The following GALNT9 variants were observed in gnomAD, a reference collection of about 807,000 sequenced individuals.
GALNT9 encodes the protein polypeptide N-acetylgalactosaminyltransferase 9.
In GALNT9, 47 loss-of-function variants were observed where a neutral mutation model predicts 63.1. That is an observed-to-expected ratio of 0.75 (90% CI 0.59 to 0.95). The LOEUF (loss-of-function observed/expected upper bound fraction) is 0.95. Ranked by LOEUF, GALNT9 falls within the 40% of genes least tolerant of loss-of-function variation. The pLI is 0.00. For synonymous variants in GALNT9, 396 were observed against 365.7 expected, an observed-to-expected ratio of 1.08 and a Z score of -0.94; for missense variants, 829 against 874.8, an observed-to-expected ratio of 0.95 and a Z score of 0.66.
intron 2 of GALNT9, among the ~76,000 whole-genome samples, chr12:132,269,862 G>A (rs1050007971): frequency 6.6e-6 from 1 of 152,238 alleles, no homozygotes; most frequent in Non-Finnish European, 1.5e-5. Flanking sequence ...AGGCGAGGGA[G>A]ATGGGCGCAC....
Position 132,319,491 on chromosome 12 carries a change from C to G in GALNT9, c.238+9475G>C, listed in dbSNP as rs775806596. Among the ~76,000 whole-genome samples, 1 of 152,286 alleles carries G rather than the reference C, an allele frequency of 6.6e-6. No individual in the cohort carries two copies. The highest frequency in any genetic ancestry group is 6.5e-5 in the Admixed American group (1 of 15,308). On this transcript the variant is annotated intron_variant, in intron 1 of 10. Coordinates refer to ENST00000328957, the MANE Select transcript of GALNT9 (RefSeq NM_001122636.2). This position sits in a 1 kb window ranked among gnomAD's most constrained non-coding sequence, Gnocchi z 5.2. ...ACTCAGGCCAAAGGACCCCACCCAG[C>G]TTCCCGGGCCTGCAGCTTGCAGACG...
chr12:132,244,749 C>T (rs372346172), intron 6 of GALNT9, among the ~76,000 whole-genome samples: 1 of 26,434 alleles, frequency 3.8e-5, no homozygotes. Context: ...GGTGATGGGG[C>T]TGGACGGGGG....
chr12:132,312,985 C>T (rs1254272604), intron 1 of GALNT9, among the ~76,000 whole-genome samples: 1 of 152,112 alleles, frequency 6.6e-6, no homozygotes, highest in Non-Finnish European at 1.5e-5. Flanking sequence ...TCCTGTCTTC[C>T]CTTTCTCAAT....
chr12:132,281,596 G>A lies in GALNT9; in HGVS notation c.419+4654C>T, dbSNP rs2135558196. Among the ~76,000 whole-genome samples, 2 of 152,334 alleles carry A rather than the reference G, an allele frequency of 1.3e-5. 1 individual carries two copies. Among genetic ancestry groups the A allele is most frequent in the South Asian group, 4.1e-4 (2 of 4,824 alleles). Reference sequence around the variant, plus strand: ...CTATCAGTGAGGGTATAGAGCAAATGCCGGCTCTGTCAAGGTTCATCCCGA... The same window carrying A: ...CTATCAGTGAGGGTATAGAGCAAATACCGGCTCTGTCAAGGTTCATCCCGA... On this transcript the variant is annotated intron_variant, in intron 2 of 10. Coordinates refer to ENST00000328957, the MANE Select transcript of GALNT9 (RefSeq NM_001122636.2).
At position 132,252,589 on chromosome 12, in the gene GALNT9, G is replaced by A. The variant is rs1177723413; in HGVS notation, c.960-4562C>T. Among the ~76,000 whole-genome samples, 2 of 152,138 alleles carry A rather than the reference G, an allele frequency of 1.3e-5. No homozygotes were observed. Among genetic ancestry groups the A allele is most frequent in the South Asian group, 4.1e-4 (2 of 4,822 alleles). On this transcript the variant is annotated intron_variant, in intron 5 of 10. Coordinates refer to ENST00000328957, the MANE Select transcript of GALNT9 (RefSeq NM_001122636.2). The surrounding 1 kb of genome is among the most constrained non-coding windows in gnomAD (Gnocchi z 5.2). ...GGGGGAACCACTGCCATCAAGACAC[G>A]GAGACCTGGCTGGGCGCACTGGCTC...
intron 1 of GALNT9, among the ~76,000 whole-genome samples, chr12:132,297,378 T>G (rs1555243350): frequency 6.8e-6 from 1 of 146,358 alleles, no homozygotes; most frequent in Admixed American, 6.8e-5. Context: ...GATAACCAAC[T>G]CACTCCCATG....
intron 1 of GALNT9, among the ~76,000 whole-genome samples, chr12:132,302,898 A>C (rs1271448938): frequency 2.0e-5 from 3 of 152,072 alleles, no homozygotes; most frequent in Non-Finnish European, 4.4e-5. Flanking sequence ...CTTTGAGCTG[A>C]GAGGGAGAGA....
intron 6 of GALNT9, among the ~76,000 whole-genome samples, chr12:132,215,639 C>A (rs1877152073): frequency 6.6e-6 from 1 of 152,242 alleles, no homozygotes; most frequent in Non-Finnish European, 1.5e-5. Flanking sequence ...ATGAAGCCAG[C>A]CCTCTTTGTA....
chr12:132,295,676 T>G (rs1277346076), intron 1 of GALNT9, among the ~76,000 whole-genome samples: 2 of 152,232 alleles, frequency 1.3e-5, no homozygotes, highest in Admixed American at 6.5e-5. Context: ...CTGGAGACTA[T>G]GGAGGGAGCG....
At chr12:132,321,605 C>T (rs976278829) in intron 1 of GALNT9, among the ~76,000 whole-genome samples, 3 of 152,190 alleles carry the variant, frequency 2.0e-5, no homozygotes, top group Non-Finnish European at 4.4e-5. Context: ...ACCCCAACCC[C>T]AGGGCCCACT....
rs1263447588 is a variant in GALNT9, at chr12:132,286,900, C to A, written c.239-470G>T. 6.6e-6 allele frequency among the ~76,000 whole-genome samples: 1 copy of A among 152,158 alleles called. No homozygotes were observed. The highest frequency in any genetic ancestry group is 1.5e-5 in the Non-Finnish European group (1 of 68,030). ...TGTATTTTTAGTGGAGACAGGGTTT[C>A]ACCGTGTTGGTCAGGCTGGTCTTGA... On this transcript the variant is annotated intron_variant, in intron 1 of 10. Coordinates refer to ENST00000328957, the MANE Select transcript of GALNT9 (RefSeq NM_001122636.2). The surrounding 1 kb of genome is among the most constrained non-coding windows in gnomAD (Gnocchi z 7.4).
rs1251562638 is a variant in GALNT9, at chr12:132,319,698, C to T, written c.238+9268G>A. Among the ~76,000 whole-genome samples, 1 of 152,214 alleles carries T rather than the reference C, an allele frequency of 6.6e-6. No homozygotes were observed. Among genetic ancestry groups the T allele is most frequent in the Non-Finnish European group, 1.5e-5 (1 of 68,036 alleles). ...GGCAGGTCAACACCCCACTCCGCCA[C>T]ACACACAGCTGTACCCGGCACAACA... is the stretch of plus-strand genomic sequence containing the variant. On this transcript the variant is annotated intron_variant, in intron 1 of 10. Transcript: ENST00000328957. The surrounding 1 kb of genome is among the most constrained non-coding windows in gnomAD (Gnocchi z 5.2).
rs1555238218 is a variant in GALNT9, at chr12:132,247,913, C to T, written c.1074G>A (p.Met358Ile). ...VYGGENVELGMRVWQCGGSME... is the reference protein window; with the variant it reads ...VYGGENVELGIRVWQCGGSME... The stretch of plus-strand genomic sequence containing the variant: ...TGGACACCGGGGCCGCACTCACCCT[C>T]ATGCCCAGTTCTACGTTCTCGCCGC... The change falls in exon 6 of 11, where the codon ATG (methionine) becomes ATA (isoleucine). Residue 358 changes from methionine (M) to isoleucine (I), a missense_variant. Physicochemically the swap from Met to Ile is conservative, Grantham distance 10. Transcript: ENST00000328957. The T allele has an allele frequency of 1.3e-6, 2 of 1,551,424 alleles. No individual in the cohort carries two copies. Among genetic ancestry groups the T allele is most frequent in the Non-Finnish European group, 1.7e-6 (2 of 1,147,004 alleles).
At chr12:132,257,640 C>T (rs996683521) in intron 5 of GALNT9, 49 bp downstream of exon 5, 51 of 1,440,272 alleles carry the variant, frequency 3.5e-5, no homozygotes, top group Middle Eastern at 1.7e-4. Flanking sequence ...CGCTCTGCTC[C>T]GCTCCTTGCC....
intron 2 of GALNT9, among the ~76,000 whole-genome samples, chr12:132,269,985 T>C (rs1013905879): frequency 6.6e-6 from 1 of 152,170 alleles, no homozygotes; most frequent in East Asian, 1.9e-4. Flanking sequence ...GTGACTTCGG[T>C]CTCCAGCTCT....
At chr12:132,298,395 C>G (rs1479190447) in intron 1 of GALNT9, among the ~76,000 whole-genome samples, 1 of 151,312 alleles carries the variant, frequency 6.6e-6, no homozygotes, top group African/African-American at 2.4e-5. Context: ...CATACCTAAT[C>G]CACTCCTGAT....
intron 2 of GALNT9, among the ~76,000 whole-genome samples, chr12:132,277,003 A>G (rs372999779): frequency 1.4e-4 from 22 of 152,154 alleles, no homozygotes; most frequent in East Asian, 7.7e-4. Context: ...GTACACACGC[A>G]GATACATGCG....
intron 2 of GALNT9, chr12:132,278,759 G>A (rs1291571923): frequency 2.6e-5 from 4 of 152,276 alleles, no homozygotes; most frequent in African/African-American, 9.6e-5. Flanking sequence ...CGGGCAGGCA[G>A]GGACCCCTCC....
At position 132,261,124 on chromosome 12, in the gene GALNT9, T is replaced by C. The variant is rs1555239754; in HGVS notation, c.587-2A>G. 2.6e-6 allele frequency: 4 copies of C among 1,550,724 alleles called. No individual in the cohort carries two copies. Among genetic ancestry groups the C allele is most frequent in the Non-Finnish European group, 3.5e-6 (4 of 1,146,768 alleles). The stretch of plus-strand genomic sequence containing the variant: ...GGTCCAGATTGAACTTGAGTTCCAC[T>C]GAGGAGAGACAAGACTTTAGCACGC... On this transcript the variant is annotated splice_acceptor_variant, in intron 3 of 10. Coordinates refer to ENST00000328957, the MANE Select transcript of GALNT9 (RefSeq NM_001122636.2). LOFTEE classifies it high-confidence loss of function.
Sources: gnomAD v4.1 joint callset for allele counts (sites outside exome capture counted in the v4.1 genomes callset) on GRCh38, gnomAD v4.1.1 for gene constraint, Gnocchi (gnomAD v3.1) non-coding constraint, MANE v1.5 for transcripts, NCBI Gene and HGNC (gene_info 2026-07-23, HGNC 2026-07-21) for gene names.